Variants in PAN3 observed in about 807,000 individuals in gnomAD.
PAN3 encodes the protein poly(A) specific ribonuclease subunit PAN3, also known as PAN2-PAN3 deadenylation complex subunit PAN3.
A neutral mutation model predicts 96.2 loss-of-function variants in PAN3; 19 were observed. The ratio of observed to expected loss-of-function variants is 0.20; its 90% CI spans 0.14 to 0.29. The LOEUF is 0.29. PAN3 is among the 10% of genes least tolerant of loss of function. PAN3 has a pLI of 1.00. For synonymous variants in PAN3, 433 were observed against 406.6 expected (o/e 1.06, Z -0.78); for missense variants, 882 against 1,108.1 (o/e 0.80, Z 2.90).
intron 6 of PAN3, among the ~76,000 whole-genome samples, chr13:28,254,834 T>C (rs1384797754): frequency 6.6e-6 from 1 of 152,102 alleles, no homozygotes; most frequent in Non-Finnish European, 1.5e-5. Flanking sequence ...GAGTACTAGA[T>C]TGGGAATTTG....
intron 1 of PAN3, among the ~76,000 whole-genome samples, chr13:28,144,718 C>CCT (rs1555267661): frequency 0.33 from 15,563 of 46,600 alleles, 2,689 homozygotes; most frequent in East Asian, 0.65. Flanking sequence ...AAAACATCAT[C>CCT]TTTTTTTTTT....
chr13:28,173,405 G>T (rs1317116111), intron 1 of PAN3, among the ~76,000 whole-genome samples: 1 of 152,112 alleles, frequency 6.6e-6, no homozygotes, highest in Non-Finnish European at 1.5e-5. Flanking sequence ...ATCACCAAAA[G>T]ATATGAACCA....
chr13:28,172,544 T>C (rs369060847), intron 1 of PAN3, among the ~76,000 whole-genome samples: 3 of 152,224 alleles, frequency 2.0e-5, no homozygotes, highest in African/African-American at 7.2e-5. Context: ...GAGAGGATAG[T>C]GTCATCCCTG....
chr13:28,142,124 T>C (rs1159696515), intron 1 of PAN3, among the ~76,000 whole-genome samples: 4 of 152,194 alleles, frequency 2.6e-5, no homozygotes, highest in Admixed American at 2.0e-4. Context: ...TAATTCCTTA[T>C]GGATGGAGAT....
chr13:28,256,244 T>A, intron 6 of PAN3, 48 bp from the exon 7 acceptor site: 1 of 1,568,140 alleles, frequency 6.4e-7, no homozygotes, highest in Non-Finnish European at 8.7e-7. Context: ...ACTTGTTCTC[T>A]AAAACCAATT....
intron 15 of PAN3, among the ~76,000 whole-genome samples, chr13:28,277,621 A>G (rs1887167877): frequency 6.6e-6 from 1 of 152,120 alleles, no homozygotes; most frequent in Non-Finnish European, 1.5e-5. Context: ...GTTGGTATCC[A>G]CTAGCTACAT....
chr13:28,149,303 C>T (rs1429556642), intron 1 of PAN3, among the ~76,000 whole-genome samples: 1 of 152,078 alleles, frequency 6.6e-6, no homozygotes, highest in African/African-American at 2.4e-5. Flanking sequence ...GTAGAGGATG[C>T]AGTGAGCCGT....
At chr13:28,170,210 A>C (rs1566154534) in intron 1 of PAN3, among the ~76,000 whole-genome samples, 1 of 152,148 alleles carries the variant, frequency 6.6e-6, no homozygotes, top group African/African-American at 2.4e-5. Context: ...ATCTGAAAGG[A>C]ATATATATAC....
chr13:28,261,347 T>G (rs1344600283), intron 8 of PAN3, 54 bp from the exon 9 acceptor site: 3 of 1,286,414 alleles, frequency 2.3e-6, no homozygotes, highest in Non-Finnish European at 3.3e-6. Context: ...ATAATAGGAA[T>G]TCCAGGTTTC....
chr13:28,257,730 AT>A (rs1566235045), intron 7 of PAN3, among the ~76,000 whole-genome samples: 17 of 113,956 alleles, frequency 1.5e-4, no homozygotes, highest in South Asian at 5.2e-4. Flanking sequence ...AATATATATT[AT>A]ATATAAATTA....
chr13:28,217,547 A>C lies in PAN3; in HGVS notation c.853-2684A>C, dbSNP rs1880934250. On this transcript the variant is annotated intron_variant, in intron 5 of 18. Coordinates refer to ENST00000380958, the MANE Select transcript of PAN3 (RefSeq NM_175854.8). The stretch of plus-strand genomic sequence containing the variant: ...CAGTGAGTGAAGGTTGTGCCACTGC[A>C]CTCCAGCCTGGCAACAGAGTGAGAT... Among the ~76,000 whole-genome samples, 3 of 151,902 alleles carry C rather than the reference A, an allele frequency of 2.0e-5. No homozygotes were observed. In the South Asian group the frequency reaches 6.2e-4, roughly 32 times the overall value.
intron 15 of PAN3, among the ~76,000 whole-genome samples, chr13:28,279,759 CA>C (rs200646989): frequency 3.9e-4 from 56 of 142,770 alleles, no homozygotes; most frequent in East Asian, 2.2e-3. Context: ...ACTCTGTCAC[CA>C]AAAAAAAAAA....
At chr13:28,156,404 A>G (rs1262031106) in intron 1 of PAN3, among the ~76,000 whole-genome samples, 6 of 152,194 alleles carry the variant, frequency 3.9e-5, no homozygotes, top group Non-Finnish European at 8.8e-5. Flanking sequence ...CTGAAATTGA[A>G]TCAGTAATAA....
intron 1 of PAN3, among the ~76,000 whole-genome samples, chr13:28,165,400 G>A (rs1873411185): frequency 6.7e-6 from 1 of 149,918 alleles, no homozygotes; most frequent in Admixed American, 6.8e-5. Flanking sequence ...TGGGATTACA[G>A]ACATGAGCCA....
intron 6 of PAN3, among the ~76,000 whole-genome samples, chr13:28,235,886 ATT>A (rs553429429): frequency 1.3e-4 from 19 of 140,856 alleles, no homozygotes; most frequent in African/African-American, 1.6e-4. Flanking sequence ...TGATTTTTAA[ATT>A]TTTTTTTTTT....
At chr13:28,276,525 G>T (rs1036424638) in intron 14 of PAN3, among the ~76,000 whole-genome samples, 21 of 152,316 alleles carry the variant, frequency 1.4e-4, no homozygotes, top group South Asian at 1.0e-3. Flanking sequence ...CTTTTAGAAG[G>T]AAAGCCTCAG....
chr13:28,264,959 T>C (rs1886036933), intron 9 of PAN3, among the ~76,000 whole-genome samples: 1 of 152,252 alleles, frequency 6.6e-6, no homozygotes, highest in Non-Finnish European at 1.5e-5. Context: ...TATAAATTTG[T>C]GTTCTTTATT....
At chr13:28,189,650 A>G (rs1267249993) in intron 4 of PAN3, among the ~76,000 whole-genome samples, 1 of 152,100 alleles carries the variant, frequency 6.6e-6, no homozygotes, top group African/African-American at 2.4e-5. Context: ...AGTGACTCCA[A>G]TTTCTGTTTG....
chr13:28,264,257 C>T (rs1038099677), intron 9 of PAN3, among the ~76,000 whole-genome samples: 12 of 151,938 alleles, frequency 7.9e-5, no homozygotes, highest in African/African-American at 2.2e-4. Flanking sequence ...AAGAAAAACG[C>T]GCCGGGCGCA....
Sources: gnomAD v4.1 joint callset for allele counts (sites outside exome capture counted in the v4.1 genomes callset) on GRCh38, gnomAD v4.1.1 for gene constraint, MANE v1.5 for transcripts, NCBI Gene and HGNC (gene_info 2026-07-23, HGNC 2026-07-21) for gene names.